TPH2: variants seen among roughly 807,000 people sequenced by gnomAD.
The protein encoded by TPH2 is tryptophan hydroxylase 2, also known as tryptophan 5-hydroxylase 2.
In TPH2, 27 loss-of-function variants were observed where a neutral mutation model predicts 59.1. The observed-to-expected ratio is 0.46, with a 90% CI of 0.34 to 0.63. The LOEUF (loss-of-function observed/expected upper bound fraction) is 0.63. TPH2 is among the 30% of genes least tolerant of loss of function. The pLI is 0.01. For synonymous variants in TPH2, 220 were observed against 210.5 expected, an observed-to-expected ratio of 1.05 and a Z score of -0.39; for missense variants, 523 against 588.3, an observed-to-expected ratio of 0.89 and a Z score of 1.15.
At position 71,962,626 on chromosome 12, in the gene TPH2, C is replaced by T. The variant is rs552738272; in HGVS notation, c.609-9893C>T. The stretch of plus-strand genomic sequence containing the variant: ...AAGACAAATACATACCTGCCAGACT[C>T]TCTGAGGCATAACTATTTTTTCCCT... On this transcript the variant is annotated intron_variant, in intron 5 of 10. Transcript: ENST00000333850. 1.2e-5 allele frequency: 12 copies of T among 985,430 alleles called. No individual in the cohort carries two copies. The Admixed American group carries it at 3.7e-4, about 30-fold the overall frequency. The allele number at this position is 985,430 out of a possible 1,614,324, so 61.0% of individuals were successfully genotyped here.
At chr12:71,973,294 G>A (rs1346727556) in intron 6 of TPH2, among the ~76,000 whole-genome samples, 1 of 152,108 alleles carries the variant, frequency 6.6e-6, no homozygotes, top group East Asian at 1.9e-4. Context: ...AGGTCATAAA[G>A]ACCTTGCTGA....
chr12:71,977,588 G>C (rs1432290101), intron 6 of TPH2, among the ~76,000 whole-genome samples: 2 of 152,112 alleles, frequency 1.3e-5, no homozygotes, highest in African/African-American at 4.8e-5. Context: ...TCATCGATAG[G>C]TTCTTGAAAC....
intron 7 of TPH2, among the ~76,000 whole-genome samples, chr12:71,990,863 G>T (rs1315036581): frequency 6.6e-6 from 1 of 152,130 alleles, no homozygotes; most frequent in Non-Finnish European, 1.5e-5. Context: ...AATACAGCAT[G>T]GTCATTTCTA....
chr12:71,990,802 C>T (rs1342905041), intron 7 of TPH2, among the ~76,000 whole-genome samples: 1 of 152,202 alleles, frequency 6.6e-6, no homozygotes, highest in Non-Finnish European at 1.5e-5. Context: ...GAAGTTCTTT[C>T]TCAGGGTCTC....
intron 5 of TPH2, 62 bp downstream of exon 5, chr12:71,949,717 A>G: frequency 7.2e-7 from 1 of 1,380,504 alleles, no homozygotes; most frequent in Non-Finnish European, 1.0e-6. Flanking sequence ...TGCTGTGTTA[A>G]ACAAACCTGT....
Position 72,026,667 on chromosome 12 carries a change from G to A in TPH2, c.1164+4173G>A, listed in dbSNP as rs536261818. ...TCATGAAGTTAGTGGTGTTGGTAAT[G>A]ACAGAGTAAATGCTGGACGTTGGGA... On this transcript the variant is annotated intron_variant, in intron 9 of 10. Transcript: ENST00000333850. Among the ~76,000 whole-genome samples the A allele has an allele frequency of 9.1e-4, 138 of 152,286 alleles. 1 individual carries two copies. The highest frequency in any genetic ancestry group is 3.1e-3 in the African/African-American group (130 of 41,570).
Position 71,949,646 on chromosome 12 carries a change from G to T in TPH2, c.599G>T (p.Gly200Val). The T allele has an allele frequency of 6.2e-7, 1 of 1,612,382 alleles. No individual in the cohort carries two copies. Among genetic ancestry groups the T allele is most frequent in the African/African-American group, 1.3e-5 (1 of 74,962 alleles). ...RRKYFVDVAM[G>V]YKYGQPIPRV... ...AAGTATTTTGTGGATGTGGCCATGG[G>T]TTATAAATAGTAAGTACCTGTATAA... The change falls in exon 5 of 11, where the codon GGT (glycine) becomes GTT (valine). Residue 200 changes from glycine (G) to valine (V), a missense_variant. Physicochemically the swap from Gly to Val is moderately radical, Grantham distance 109. Transcript: ENST00000333850.
intron 8 of TPH2, among the ~76,000 whole-genome samples, chr12:72,021,102 A>T (rs1295852478): frequency 6.6e-6 from 1 of 152,190 alleles, no homozygotes; most frequent in East Asian, 1.9e-4. Context: ...TCATTAATGC[A>T]GGACAGTGCT....
At chr12:71,947,117 C>T (rs1421199709) in intron 4 of TPH2, among the ~76,000 whole-genome samples, 1 of 152,194 alleles carries the variant, frequency 6.6e-6, no homozygotes, top group Non-Finnish European at 1.5e-5. Context: ...TTCAAGGTAT[C>T]TGCAGGGGAT....
intron 9 of TPH2, among the ~76,000 whole-genome samples, chr12:72,027,056 G>GTT (rs534324470): frequency 2.1e-5 from 3 of 146,198 alleles, no homozygotes; most frequent in African/African-American, 2.5e-5. Context: ...TCACACTTGA[G>GTT]TTTTTTTTTT....
At chr12:72,020,974 A>T (rs1034265861) in intron 8 of TPH2, among the ~76,000 whole-genome samples, 5 of 152,192 alleles carry the variant, frequency 3.3e-5, no homozygotes, top group African/African-American at 1.2e-4. Flanking sequence ...GAACCAAGGG[A>T]CATCTTAGCC....
intron 5 of TPH2, 80 bp from the exon 6 acceptor site, chr12:71,972,439 T>A: frequency 7.1e-7 from 1 of 1,409,032 alleles, no homozygotes; most frequent in Non-Finnish European, 1.0e-6. Context: ...GGGTCTGACT[T>A]GTGATAGGTA....
chr12:72,012,518 G>T (rs1478922939), intron 8 of TPH2, among the ~76,000 whole-genome samples: 3 of 152,210 alleles, frequency 2.0e-5, no homozygotes, highest in African/African-American at 7.2e-5. Context: ...AGCAATGAAG[G>T]TTGAGAGAAA....
intron 8 of TPH2, among the ~76,000 whole-genome samples, chr12:72,007,173 G>T (rs1407011005): frequency 3.3e-5 from 5 of 152,108 alleles, no homozygotes; most frequent in African/African-American, 1.2e-4. Context: ...ATAAATAATA[G>T]AGGTAAGGCC....
chr12:71,971,781 A>G (rs956424053), intron 5 of TPH2, among the ~76,000 whole-genome samples: 1 of 152,180 alleles, frequency 6.6e-6, no homozygotes, highest in African/African-American at 2.4e-5. Flanking sequence ...AAATACACCT[A>G]TATCCATTTG....
chr12:71,946,334 T>C (rs953418037), intron 4 of TPH2, among the ~76,000 whole-genome samples: 2 of 152,174 alleles, frequency 1.3e-5, no homozygotes, highest in African/African-American at 4.8e-5. Context: ...CTCCCCTTAG[T>C]CTAGTTTGAA....
chr12:72,012,700 T>C (rs1450483015), intron 8 of TPH2, among the ~76,000 whole-genome samples: 1 of 152,234 alleles, frequency 6.6e-6, no homozygotes, highest in East Asian at 1.9e-4. Context: ...GAGTTTTAAG[T>C]GTGGGCCAAC....
intron 8 of TPH2, among the ~76,000 whole-genome samples, chr12:72,006,137 G>A (rs540516117): frequency 2.6e-5 from 4 of 152,274 alleles, no homozygotes; most frequent in South Asian, 2.1e-4. Context: ...AGTATAGTGG[G>A]TAATTCAGAG....
chr12:72,009,572 C>A (rs1555214314), intron 8 of TPH2, among the ~76,000 whole-genome samples: 1 of 152,218 alleles, frequency 6.6e-6, no homozygotes, highest in Non-Finnish European at 1.5e-5. Context: ...CTCTCTTGAG[C>A]AGTGCTAGTT....
Sources: allele counts gnomAD v4.1 joint callset (sites outside exome capture counted in the v4.1 genomes callset), GRCh38; gene constraint gnomAD v4.1.1; transcripts MANE v1.5; gene names NCBI Gene and HGNC (gene_info 2026-07-23, HGNC 2026-07-21).